Variants in NKD2 observed in about 807,000 individuals in gnomAD.
NKD2 encodes NKD inhibitor of Wnt signaling pathway 2, also known as protein naked cuticle homolog 2.
In NKD2, 43 loss-of-function variants were observed where a neutral mutation model predicts 34.8. That is an observed-to-expected ratio of 1.24 (90% CI 0.97 to 1.60). NKD2 has a LOEUF of 1.60. Among genes scored for constraint, NKD2 ranks in the 40% most tolerant of loss-of-function variants. The probability of loss-of-function intolerance (pLI) is 0.00; values close to 1 mark genes in which losing one functional copy is unlikely to be tolerated. For synonymous variants in NKD2, 278 were observed against 265.1 expected (o/e 1.05, Z -0.47); for missense variants, 675 against 627.1 (o/e 1.08, Z -0.82).
In NKD2 at chr5:1,009,623, CAG is replaced by C. The variant is rs1377637582; in HGVS notation, c.141+66_141+67del. ...CCCGCCCGGGGGCGGGGAGCGGTGT[CAG>C]AGCTGTTCCTGGTGCCCGCCCGCGG... On this transcript the variant is annotated intron_variant, in intron 3 of 9. Transcript: ENST00000296849. The surrounding 1 kb of genome is among the most constrained non-coding windows in gnomAD (Gnocchi z 6.9). 1.5e-6 allele frequency: 2 copies of C among 1,308,994 alleles called. No homozygotes were observed. The highest frequency in any genetic ancestry group is 9.9e-7 in the Non-Finnish European group (1 of 1,014,778). 81.1% of individuals were successfully genotyped at this position (1,308,994 alleles called of 1,614,324 possible). A position where few individuals can be genotyped will look rare whatever the true frequency, so the allele number is the denominator to read the frequency against.
rs755199941 is a variant in NKD2, at chr5:1,034,350, C to T, written c.426+20C>T. 32 of 1,586,890 alleles carry T rather than the reference C, an allele frequency of 2.0e-5. No individual in the cohort carries two copies. The East Asian group carries it at 2.2e-4, about 11-fold the overall frequency. ...AGGGAGGTAGGTGAGCTTGTGTTTG[C>T]GTCAGGTCCACAGTAGTAGACAGAC... On this transcript the variant is annotated intron_variant, in intron 6 of 9. Transcript: ENST00000296849.
Position 1,037,985 on chromosome 5 carries a change from C to A in NKD2, c.968C>A (p.Pro323Gln). Residue 323 changes from proline to glutamine, a missense_variant, in exon 10 of 10, where the codon CCG becomes CAG. Transcript: ENST00000296849. ...AARALDTQPR[P>Q]KGPEKQFLKS... ...CGGGCCCTGGACACGCAGCCCCGGCCGAAGGGGCCGGAGAAGCAGTTCCTC... is the reference window on the plus strand; with the variant it reads ...CGGGCCCTGGACACGCAGCCCCGGCAGAAGGGGCCGGAGAAGCAGTTCCTC... 6.2e-7 allele frequency: 1 copy of A among 1,605,658 alleles called. No homozygotes were observed.
intron 3 of NKD2, among the ~76,000 whole-genome samples, chr5:1,019,416 C>T (rs1360596553): frequency 2.0e-5 from 3 of 152,204 alleles, no homozygotes; most frequent in African/African-American, 7.2e-5. Flanking sequence ...CTTGTGTGGA[C>T]GGCAGCCGCC....
rs1469337867 is a variant in NKD2 at position 1,009,377 on chromosome 5, C to T, written c.62-104C>T. ...CCCCACGCCTGCCCCTGCGCGGTCT[C>T]CAGGCGATGGGGACACAGCGAAGGC... On this transcript the variant is annotated intron_variant, in intron 2 of 9. Coordinates refer to ENST00000296849, the MANE Select transcript of NKD2 (RefSeq NM_033120.4). The surrounding 1 kb of genome is among the most constrained non-coding windows in gnomAD (Gnocchi z 6.9). 1.4e-5 allele frequency: 13 copies of T among 962,006 alleles called. No individual in the cohort carries two copies. Among genetic ancestry groups the T allele is most frequent in the Non-Finnish European group, 1.9e-5 (13 of 675,708 alleles). 59.6% of individuals were successfully genotyped at this position (962,006 alleles called of 1,614,324 possible).
chr5:1,029,028 G>T (rs1176711842), intron 3 of NKD2, among the ~76,000 whole-genome samples: 2 of 152,204 alleles, frequency 1.3e-5, no homozygotes, highest in Non-Finnish European at 2.9e-5. Context: ...TTTATAAGTT[G>T]CAATTAAAGC....
At chr5:1,011,417 C>T (rs1225892641) in intron 3 of NKD2, among the ~76,000 whole-genome samples, 36 of 152,322 alleles carry the variant, frequency 2.4e-4, no homozygotes. Context: ...GCCACCACAG[C>T]GAAGTGTCCC....
At chr5:1,033,281 T>TG (rs1242657115) in intron 4 of NKD2, 91 bp from the exon 5 acceptor site, 20 of 1,213,536 alleles carry the variant, frequency 1.6e-5, no homozygotes, top group Non-Finnish European at 2.2e-5. Context: ...GATCATGGTG[T>TG]GGTGAGGGGA....
chr5:1,013,655 G>A (rs1160789349), intron 3 of NKD2, among the ~76,000 whole-genome samples: 4 of 152,212 alleles, frequency 2.6e-5, no homozygotes, highest in African/African-American at 9.6e-5. Flanking sequence ...CCACCAAGCC[G>A]CAGGCATCCC....
At chr5:1,031,394 G>T (rs1030836953) in intron 3 of NKD2, among the ~76,000 whole-genome samples, 3 of 152,150 alleles carry the variant, frequency 2.0e-5, no homozygotes, top group African/African-American at 7.2e-5. Flanking sequence ...ATCTCCTTGT[G>T]GGCTTTCCAC....
intron 3 of NKD2, among the ~76,000 whole-genome samples, chr5:1,017,461 G>A (rs902743271): frequency 6.6e-6 from 1 of 152,276 alleles, no homozygotes; most frequent in African/African-American, 2.4e-5. Flanking sequence ...GAGGGCTGTG[G>A]TGTAACACGA....
intron 9 of NKD2, 48 bp from the exon 10 acceptor site, chr5:1,037,757 A>T (rs765661033): frequency 1.3e-5 from 21 of 1,565,352 alleles, no homozygotes; most frequent in Non-Finnish European, 1.8e-5. Flanking sequence ...GGAGATGGGA[A>T]CCTGAGCCTG....
chr5:1,031,166 C>T (rs1402390845), intron 3 of NKD2, among the ~76,000 whole-genome samples: 1 of 152,160 alleles, frequency 6.6e-6, no homozygotes, highest in Non-Finnish European at 1.5e-5. Context: ...CCCAGGGACC[C>T]CGGCAGGGCA....
At chr5:1,028,057 G>C (rs923794863) in intron 3 of NKD2, among the ~76,000 whole-genome samples, 14 of 152,228 alleles carry the variant, frequency 9.2e-5, no homozygotes, top group Admixed American at 2.6e-4. Flanking sequence ...GCTGGGGGTT[G>C]AGGTTTTGTG....
intron 3 of NKD2, among the ~76,000 whole-genome samples, chr5:1,012,168 C>T (rs4975583): frequency 0.72 from 109,198 of 152,276 alleles, 44,974 homozygotes; most frequent in South Asian, 0.91. Context: ...TACAGCGCTC[C>T]CTGAGGCTGG....
rs567994128 is a variant in NKD2, at chr5:1,037,421, C to T, written c.788-384C>T. On this transcript the variant is annotated intron_variant, in intron 9 of 9. Coordinates refer to ENST00000296849, the MANE Select transcript of NKD2 (RefSeq NM_033120.4). ...CGTTGTGAAGGTGGCAGTCCTGAGT[C>T]CTTCTCAAATCTATTTTGTAATGAG... 1.6e-4 allele frequency: 179 copies of T among 1,113,912 alleles called. 2 individuals are homozygous for T. The African/African-American group carries it at 2.6e-3, about 16-fold the overall frequency. 69.0% of individuals were successfully genotyped at this position (1,113,912 alleles called of 1,614,324 possible). A position where few individuals can be genotyped will look rare whatever the true frequency, so the allele number is the denominator to read the frequency against.
chr5:1,037,780 C>T (rs1257816115), intron 9 of NKD2, 25 bp from the exon 10 acceptor site: 1 of 1,563,184 alleles, frequency 6.4e-7, no homozygotes, highest in Non-Finnish European at 8.6e-7. Flanking sequence ...CTCCCAGGGC[C>T]TCACACTCTG....
At position 1,009,146 on chromosome 5, in the gene NKD2, G is replaced by A; in HGVS notation, c.26-33G>A. On this transcript the variant is annotated intron_variant, in intron 1 of 9. Transcript: ENST00000296849. The surrounding 1 kb of genome is among the most constrained non-coding windows in gnomAD (Gnocchi z 6.9). ...GGGCGTGGGGCCGCCTCTCACTGTC[G>A]TTTTCCTCTCCCCGCGTCCCGCCGT... 1.8e-6 allele frequency: 1 copy of A among 546,942 alleles called. No homozygotes were observed. Among genetic ancestry groups the A allele is most frequent in the South Asian group, 2.3e-5 (1 of 44,440 alleles). The allele number at this position is 546,942 out of a possible 1,614,324, so 33.9% of individuals were successfully genotyped here.
chr5:1,015,318 G>A (rs913691811), intron 3 of NKD2, among the ~76,000 whole-genome samples: 5 of 152,230 alleles, frequency 3.3e-5, no homozygotes, highest in Non-Finnish European at 7.3e-5. Context: ...TGGGAGTGGG[G>A]TCCACCGTCC....
intron 3 of NKD2, among the ~76,000 whole-genome samples, chr5:1,011,840 G>T (rs1755763528): frequency 6.6e-6 from 1 of 152,260 alleles, no homozygotes; most frequent in Non-Finnish European, 1.5e-5. Flanking sequence ...CCCCGACGTG[G>T]CTCTCCCTGG....
Sources: gnomAD v4.1 joint callset for allele counts (sites outside exome capture counted in the v4.1 genomes callset) on GRCh38, gnomAD v4.1.1 for gene constraint, Gnocchi (gnomAD v3.1) non-coding constraint, MANE v1.5 for transcripts, NCBI Gene and HGNC (gene_info 2026-07-23, HGNC 2026-07-21) for gene names.